The following NFE2L3 variants were observed in gnomAD, a reference collection of about 807,000 sequenced individuals.
NFE2L3 encodes nuclear factor erythroid 2-related factor 3.
A neutral mutation model predicts 23.5 loss-of-function variants in NFE2L3; 18 were observed. The observed-to-expected ratio is 0.77, with a 90% CI of 0.53 to 1.13. The LOEUF is 1.13. Ranked by LOEUF, NFE2L3 falls within the 50% of genes most tolerant of loss-of-function variation. The pLI, the probability that NFE2L3 is intolerant of heterozygous loss-of-function variation, is 0.00. For synonymous variants in NFE2L3, 424 were observed against 354.5 expected (o/e 1.20, Z -2.20); for missense variants, 1,152 against 877.2 (o/e 1.31, Z -3.96).
chr7:26,173,240 A>G (rs1192414585), intron 1 of NFE2L3, among the ~76,000 whole-genome samples: 1 of 152,136 alleles, frequency 6.6e-6, no homozygotes. Context: ...TTACCAATTC[A>G]TTACACTCAA....
At chr7:26,184,103 C>T (rs991229086) in intron 3 of NFE2L3, 24 of 377,716 alleles carry the variant, frequency 6.4e-5, no homozygotes, top group South Asian at 1.1e-4. Context: ...TTTATTGCAG[C>T]AATATTCACA....
At chr7:26,173,258 C>A (rs1784352597) in intron 1 of NFE2L3, among the ~76,000 whole-genome samples, 1 of 152,060 alleles carries the variant, frequency 6.6e-6, no homozygotes, top group Non-Finnish European at 1.5e-5. Context: ...CAAAAAGTTT[C>A]CCCCCACAAA....
intron 2 of NFE2L3, 61 bp downstream of exon 2, chr7:26,178,183 TGAC>T (rs1784448002): frequency 6.9e-7 from 1 of 1,448,742 alleles, no homozygotes; most frequent in Non-Finnish European, 9.4e-7. Flanking sequence ...TTTGTGGCAT[TGAC>T]AGTTTGTGTC....
chr7:26,184,335 A>G, intron 3 of NFE2L3, 198 bp from the exon 4 acceptor site: 1 of 538,314 alleles, frequency 1.9e-6, no homozygotes, highest in Non-Finnish European at 3.3e-6. Context: ...TAGGTTACTC[A>G]GAATTCCAGG....
chr7:26,177,317 T>C (rs1189511627), intron 1 of NFE2L3, among the ~76,000 whole-genome samples: 2 of 152,154 alleles, frequency 1.3e-5, no homozygotes, highest in Non-Finnish European at 2.9e-5. Flanking sequence ...ACATTGAGCA[T>C]TGAGTGAGCG....
At chr7:26,184,256 T>TTAC (rs1402982955) in intron 3 of NFE2L3, 2 of 402,374 alleles carry the variant, frequency 5.0e-6, no homozygotes, top group African/African-American at 4.1e-5. Context: ...AAGTAGCAAA[T>TTAC]TACAAGATTG....
In NFE2L3 at chr7:26,185,462, T is replaced by C. The variant is rs780328342; in HGVS notation, c.1764T>C (p.Asn588=). 1 of 1,613,988 alleles carries C rather than the reference T, an allele frequency of 6.2e-7. No individual in the cohort carries two copies. The highest frequency in any genetic ancestry group is 2.2e-5 in the East Asian group (1 of 44,888). ...LIRDIRRRGK[N]KVAAQNCRKR... Reference sequence around the variant, plus strand: ...GTGACATCAGACGAAGAGGGAAAAATAAAGTTGCTGCGCAGAACTGTCGTA... The same window carrying C: ...GTGACATCAGACGAAGAGGGAAAAACAAAGTTGCTGCGCAGAACTGTCGTA... Residue 588 remains asparagine, a synonymous_variant, in exon 4 of 4, where the codon AAT becomes AAC. Transcript: ENST00000056233.
At chr7:26,183,171 CA>C (rs1445090632) in intron 2 of NFE2L3, among the ~76,000 whole-genome samples, 1 of 152,130 alleles carries the variant, frequency 6.6e-6, no homozygotes, top group Non-Finnish European at 1.5e-5. Context: ...CCAAAAATTA[CA>C]TGGAAGTTGT....
At chr7:26,153,298 G>T (rs1017677945) in intron 1 of NFE2L3, among the ~76,000 whole-genome samples, 12 of 152,216 alleles carry the variant, frequency 7.9e-5, no homozygotes, top group African/African-American at 2.7e-4. Flanking sequence ...CATCCGTTTG[G>T]TTATAGAGAA....
At chr7:26,157,274 C>T (rs1168450891) in intron 1 of NFE2L3, among the ~76,000 whole-genome samples, 2 of 152,000 alleles carry the variant, frequency 1.3e-5, no homozygotes, top group Non-Finnish European at 2.9e-5. Context: ...ACCTCCTGGA[C>T]TCAAACAATT....
intron 1 of NFE2L3, among the ~76,000 whole-genome samples, chr7:26,159,284 C>T (rs1000481388): frequency 4.6e-5 from 7 of 152,296 alleles, no homozygotes; most frequent in South Asian, 2.1e-4. Flanking sequence ...TACCTTTGCC[C>T]GGAATGCCTT....
At chr7:26,164,152 A>G (rs1215351601) in intron 1 of NFE2L3, among the ~76,000 whole-genome samples, 2 of 152,210 alleles carry the variant, frequency 1.3e-5, no homozygotes, top group African/African-American at 4.8e-5. Context: ...CATGATGTAT[A>G]ATCCTTTGGG....
At chr7:26,184,136 T>C (rs1368787992) in intron 3 of NFE2L3, 2 of 340,980 alleles carry the variant, frequency 5.9e-6, no homozygotes, top group African/African-American at 2.1e-5. Context: ...TTTTAGCGCT[T>C]AGAGGCATTT....
chr7:26,186,005 T>C lies in NFE2L3; in HGVS notation c.*222T>C, dbSNP rs148553520. The C allele has an allele frequency of 5.2e-5, 22 of 426,596 alleles. No homozygotes were observed. The highest frequency in any genetic ancestry group is 3.9e-4 in the African/African-American group (19 of 49,306). 26.4% of individuals were successfully genotyped at this position (426,596 alleles called of 1,614,324 possible). A position where few individuals can be genotyped will look rare whatever the true frequency, so the allele number is the denominator to read the frequency against. On this transcript the variant is annotated 3_prime_UTR_variant, in exon 4 of 4. Coordinates refer to ENST00000056233, the MANE Select transcript of NFE2L3 (RefSeq NM_004289.7). The stretch of plus-strand genomic sequence containing the variant: ...GAGCCACAACTTTTCATGAAGTGCA[T>C]TGTATACAAAATTCATAGTTATGTC...
chr7:26,180,067 C>T (rs11971002), intron 2 of NFE2L3, among the ~76,000 whole-genome samples: 11,467 of 152,178 alleles, frequency 0.075, 652 homozygotes, highest in African/African-American at 0.15. Context: ...GGCCGCCTAG[C>T]ACCTGGAAAC....
At chr7:26,176,812 T>C (rs1178565753) in intron 1 of NFE2L3, among the ~76,000 whole-genome samples, 2 of 69,676 alleles carry the variant, frequency 2.9e-5, no homozygotes, top group Non-Finnish European at 3.0e-5. Flanking sequence ...CCAGACGGGG[T>C]GGCCAGGCAG....
intron 1 of NFE2L3, among the ~76,000 whole-genome samples, chr7:26,170,802 T>C (rs1446288610): frequency 6.6e-6 from 1 of 152,196 alleles, no homozygotes; most frequent in Non-Finnish European, 1.5e-5. Context: ...TTGGCCTGCA[T>C]GACTCAGTCC....
At chr7:26,180,756 G>A (rs1784492537) in intron 2 of NFE2L3, among the ~76,000 whole-genome samples, 1 of 151,936 alleles carries the variant, frequency 6.6e-6, no homozygotes, top group African/African-American at 2.4e-5. Context: ...TATTAATGAG[G>A]AGACAAATGA....
rs1782465029 is a variant in NFE2L3, at chr7:26,185,644, T to C, written c.1946T>C (p.Leu649Ser). Residue 649 changes from leucine (L) to serine (S), a missense_variant, in exon 4 of 4, where the codon TTA becomes TCA. Physicochemically the swap from Leu to Ser is moderately radical, Grantham distance 145. Transcript: ENST00000056233. ...CTTTATCATGATATTTTTAGTAGATTAAGAGATGACCAAGGTAGGCCAGTC... is the reference window on the plus strand; with the variant it reads ...CTTTATCATGATATTTTTAGTAGATCAAGAGATGACCAAGGTAGGCCAGTC... ...HDLYHDIFSRLRDDQGRPVNP... is the reference protein window; with the variant it reads ...HDLYHDIFSRSRDDQGRPVNP... 3 of 1,613,748 alleles carry C rather than the reference T, an allele frequency of 1.9e-6. No homozygotes were observed. The highest frequency in any genetic ancestry group is 2.2e-5 in the East Asian group (1 of 44,898).
Sources: allele counts gnomAD v4.1 joint callset (sites outside exome capture counted in the v4.1 genomes callset), GRCh38; gene constraint gnomAD v4.1.1; transcripts MANE v1.5; gene names NCBI Gene and HGNC (gene_info 2026-07-23, HGNC 2026-07-21).